The following NCF2 variants were observed in gnomAD, a reference collection of about 807,000 sequenced individuals.
The protein encoded by NCF2 is neutrophil cytosol factor 2.
In NCF2, 45 loss-of-function variants were observed where a neutral mutation model predicts 70.9. The ratio of observed to expected loss-of-function variants is 0.63; its 90% CI spans 0.50 to 0.81. The LOEUF (loss-of-function observed/expected upper bound fraction) is 0.81, where lower values mean the gene tolerates loss of function less well. NCF2 is among the 40% of genes least tolerant of loss of function. The pLI is 0.00. For missense variants in NCF2, 522 were observed against 631.6 expected, an observed-to-expected ratio of 0.83 and a Z score of 1.86; for synonymous variants, 203 against 233.6, an observed-to-expected ratio of 0.87 and a Z score of 1.19.
chr1:183,584,156 C>G (rs983507790), intron 2 of NCF2, among the ~76,000 whole-genome samples: 1 of 152,180 alleles, frequency 6.6e-6, no homozygotes, highest in Non-Finnish European at 1.5e-5. Context: ...TGGCCTTGCC[C>G]AGGAATGGAT....
In NCF2 at chr1:183,563,531, T is replaced by A. The variant is rs147744729; in HGVS notation, c.1081A>T (p.Thr361Ser). ...CCGGGCTGAGTCTTCATGACTACCG[T>A]GTACTTGTAGTGCACCTTGAGTGTG... ...PYTLKVHYKYTVVMKTQPGLP... is the reference protein window; with the variant it reads ...PYTLKVHYKYSVVMKTQPGLP... The change falls in exon 12 of 15, where the codon ACG becomes TCG. Residue 361 changes from threonine (T) to serine (S), a missense_variant. Physicochemically the swap from Thr to Ser is moderately conservative, Grantham distance 58. Transcript: ENST00000367535. 4,350 of 1,614,078 alleles carry A rather than the reference T, an allele frequency of 2.7e-3. 10 individuals carry two copies. Among genetic ancestry groups the A allele is most frequent in the Non-Finnish European group, 3.2e-3 (3,760 of 1,180,006 alleles).
the NCF2 span, chr1:183,598,018 G>A: frequency 2.6e-5 from 4 of 152,250 alleles, no homozygotes; most frequent in African/African-American, 9.7e-5. Flanking sequence ...CAGGATTTAG[G>A]ACTGAGAGGT....
chr1:183,583,537 C>A (rs1490948556), intron 2 of NCF2, among the ~76,000 whole-genome samples: 3 of 152,230 alleles, frequency 2.0e-5, no homozygotes, highest in Non-Finnish European at 4.4e-5. Flanking sequence ...ATTTTGCTCA[C>A]TTTTATTTAA....
chr1:183,592,816 C>T (rs1208986082), upstream of NCF2, among the ~76,000 whole-genome samples: 2 of 152,096 alleles, frequency 1.3e-5, no homozygotes, highest in Non-Finnish European at 2.9e-5. Context: ...TAGCCTTATC[C>T]CCAGAACTTT....
At chr1:183,579,159 G>A (rs35059212) in intron 2 of NCF2, among the ~76,000 whole-genome samples, 11 of 152,352 alleles carry the variant, frequency 7.2e-5, no homozygotes, top group African/African-American at 2.4e-4. Context: ...GGGGCCAGGA[G>A]CCAGAGTCCA....
rs763456006 is a variant in NCF2 at position 183,566,999 on chromosome 1, G to A, written c.856-11C>T. On this transcript the variant is annotated splice_polypyrimidine_tract_variant and intron_variant, in intron 8 of 14. Transcript: ENST00000367535. ...GGGAACAAGCCCCTTCTGCAGTGCA[G>A]CACCACAGAATCAGAAAGGAAAAAA... 14 of 1,614,116 alleles carry A rather than the reference G, an allele frequency of 8.7e-6. No homozygotes were observed. The South Asian group carries it at 1.5e-4, about 18-fold the overall frequency.
At chr1:183,563,643 C>G in intron 11 of NCF2, 58 bp from the exon 12 acceptor site, 1 of 1,606,162 alleles carries the variant, frequency 6.2e-7, no homozygotes, top group Non-Finnish European at 8.5e-7. Flanking sequence ...TCTCAACATC[C>G]TGGATCACCG....
intron 5 of NCF2, among the ~76,000 whole-genome samples, 158 bp downstream of exon 5, chr1:183,573,027 A>G (rs1182623741): frequency 6.6e-6 from 1 of 152,206 alleles, no homozygotes; most frequent in Admixed American, 6.5e-5. Context: ...ATGGTTGCCT[A>G]TCTTTCAGCC....
chr1:183,595,109 A>T (rs1296139776), upstream of NCF2, among the ~76,000 whole-genome samples: 1 of 152,258 alleles, frequency 6.6e-6, no homozygotes, highest in Non-Finnish European at 1.5e-5. Context: ...GTATCATGTT[A>T]GTTGCATAAA....
chr1:183,560,341 G>C, intron 13 of NCF2, 68 bp from the exon 14 acceptor site: 1 of 1,548,988 alleles, frequency 6.5e-7, no homozygotes, highest in Non-Finnish European at 8.9e-7. Context: ...ATCACTAAAG[G>C]AAACAGCGAA....
At chr1:183,593,247 TCTC>T (rs1673719413), upstream of NCF2, among the ~76,000 whole-genome samples, 1 of 152,038 alleles carries the variant, frequency 6.6e-6, no homozygotes, top group Admixed American at 6.6e-5. Context: ...TCCCTCCCCT[TCTC>T]CTGTCACCAC....
intron 14 of NCF2, among the ~76,000 whole-genome samples, chr1:183,559,178 C>G (rs1671928645): frequency 6.6e-6 from 1 of 152,116 alleles, no homozygotes; most frequent in Non-Finnish European, 1.5e-5. Context: ...TTAACAAACT[C>G]TTCCAGGGAT....
chr1:183,566,013 G>A (rs114623469), intron 9 of NCF2, among the ~76,000 whole-genome samples: 324 of 152,266 alleles, frequency 2.1e-3, no homozygotes, highest in African/African-American at 7.4e-3. Context: ...ATCCTAACCC[G>A]CTAAAACGCC....
intron 2 of NCF2, among the ~76,000 whole-genome samples, chr1:183,582,196 T>A (rs2102923491): frequency 6.6e-6 from 1 of 152,306 alleles, no homozygotes; most frequent in East Asian, 1.9e-4. Context: ...TGGGCCGTGC[T>A]GCGGCAGCCC....
In NCF2 at chr1:183,573,297, AAC is replaced by A. The variant is rs1418791071; in HGVS notation, c.502-7_502-6del. 16 of 1,611,898 alleles carry A rather than the reference AAC, an allele frequency of 9.9e-6. No individual in the cohort carries two copies. The highest frequency in any genetic ancestry group is 1.3e-5 in the Non-Finnish European group (15 of 1,178,048). On this transcript the variant is annotated splice_polypyrimidine_tract_variant and splice_region_variant and intron_variant, in intron 4 of 14. Transcript: ENST00000367535. ...TGGCTCATATAGCTTCTGCTTCTGT[AAC>A]ACAGAAAACGTAGCATTCCCTTATG...
rs913244170 is a variant in NCF2, at chr1:183,555,769, C to T, written c.*349G>A. 3 of 278,196 alleles carry T rather than the reference C, an allele frequency of 1.1e-5. No individual in the cohort carries two copies. Among genetic ancestry groups the T allele is most frequent in the Non-Finnish European group, 2.1e-5 (3 of 145,084 alleles). 17.2% of individuals were successfully genotyped at this position (278,196 alleles called of 1,614,324 possible). ...GACACAGAAAAGTGCACCAAATGTA[C>T]AGCTTGATGAATGTTTACAGTGTGA... On this transcript the variant is annotated 3_prime_UTR_variant, in exon 15 of 15. Coordinates refer to ENST00000367535, the MANE Select transcript of NCF2 (RefSeq NM_000433.4).
chr1:183,591,058 G>A (rs536297700), upstream of NCF2, among the ~76,000 whole-genome samples: 10 of 152,234 alleles, frequency 6.6e-5, no homozygotes, highest in African/African-American at 9.6e-5. Context: ...AGACTCACCC[G>A]CACTGGGGGG....
chr1:183,599,442 C>G, the NCF2 span, among the ~76,000 whole-genome samples: 1 of 96,528 alleles, frequency 1.0e-5, no homozygotes, highest in Admixed American at 1.2e-4. Flanking sequence ...TTCTTTCTTT[C>G]TTTCTTTCTT....
upstream of NCF2, among the ~76,000 whole-genome samples, chr1:183,595,166 G>A (rs3903838): frequency 4.1e-4 from 63 of 152,114 alleles, no homozygotes; most frequent in East Asian, 2.5e-3. Context: ...CTTTTTTGCC[G>A]TCAACTCTAA....
Sources: allele counts gnomAD v4.1 joint callset (sites outside exome capture counted in the v4.1 genomes callset), GRCh38; gene constraint gnomAD v4.1.1; transcripts MANE v1.5; gene names NCBI Gene and HGNC (gene_info 2026-07-23, HGNC 2026-07-21).